The following DNAH12 variants were observed in gnomAD, a reference collection of about 807,000 sequenced individuals.
The protein encoded by DNAH12 is axonemal beta dynein heavy chain 12.
Under a neutral mutation model 371.5 loss-of-function variants are expected in DNAH12, and 285 were observed. That is an observed-to-expected ratio of 0.77 (90% CI 0.70 to 0.85). The LOEUF (loss-of-function observed/expected upper bound fraction) is 0.85. Among genes scored for constraint, DNAH12 ranks in the 40% least tolerant of loss-of-function variants. The pLI is 0.00. For synonymous variants in DNAH12, 1,200 were observed against 1,213.0 expected, an observed-to-expected ratio of 0.99 and a Z score of 0.22; for missense variants, 3,611 against 3,689.4, an observed-to-expected ratio of 0.98 and a Z score of 0.55.
intron 21 of DNAH12, 35 bp from the exon 22 acceptor site, chr3:57,458,038 T>C: frequency 6.5e-7 from 1 of 1,540,698 alleles, no homozygotes; most frequent in Non-Finnish European, 8.8e-7. Flanking sequence ...AAGTTTTAGT[T>C]ATAATTCATC....
chr3:57,367,302 G>A lies in DNAH12; in HGVS notation c.8975-381C>T, dbSNP rs1271885364. Among the ~76,000 whole-genome samples the A allele has an allele frequency of 1.3e-5, 2 of 150,046 alleles. 1 individual carries two copies. The highest frequency in any genetic ancestry group is 3.0e-5 in the Non-Finnish European group (2 of 67,488). On this transcript the variant is annotated intron_variant, in intron 56 of 73. Transcript: ENST00000495027. The stretch of plus-strand genomic sequence containing the variant: ...ACTGCACCACTACACTCCAGCCTGA[G>A]CATCAGAGCAAGACTCTGTCTCAAA...
intron 19 of DNAH12, among the ~76,000 whole-genome samples, 187 bp downstream of exon 19, chr3:57,461,302 T>C (rs1355528903): frequency 6.6e-6 from 1 of 152,162 alleles, no homozygotes; most frequent in African/African-American, 2.4e-5. Context: ...CAGATGTATA[T>C]ATTTCTATAT....
At chr3:57,396,525 G>T (rs1341210347) in intron 43 of DNAH12, among the ~76,000 whole-genome samples, 1 of 151,740 alleles carries the variant, frequency 6.6e-6, no homozygotes, top group Non-Finnish European at 1.5e-5. Flanking sequence ...AGCCTCCCAA[G>T]TATCTGAGAT....
At chr3:57,502,275 CAAAT>C (rs1275466567) in intron 10 of DNAH12, 44 bp downstream of exon 10, 1 of 1,603,476 alleles carries the variant, frequency 6.2e-7, no homozygotes, top group Admixed American at 1.7e-5. Flanking sequence ...AATTCTAGCA[CAAAT>C]AAAGTGATGA....
At chr3:57,358,563 T>C (rs1238563444) in intron 58 of DNAH12, among the ~76,000 whole-genome samples, 1 of 152,178 alleles carries the variant, frequency 6.6e-6, no homozygotes, top group African/African-American at 2.4e-5. Flanking sequence ...TTCCCCAAAA[T>C]TACACTGTAT....
intron 69 of DNAH12, among the ~76,000 whole-genome samples, chr3:57,308,819 T>G (rs2107674212): frequency 6.6e-6 from 1 of 152,346 alleles, no homozygotes; most frequent in East Asian, 1.9e-4. Flanking sequence ...CTTTAATACC[T>G]GTTTTTCTTC....
intron 71 of DNAH12, 86 bp from the exon 72 acceptor site, chr3:57,296,521 A>G: frequency 9.6e-7 from 1 of 1,037,122 alleles, no homozygotes; most frequent in Non-Finnish European, 1.4e-6. Context: ...TTCAGAACAC[A>G]TTCAGGGAAA....
intron 30 of DNAH12, among the ~76,000 whole-genome samples, chr3:57,435,997 A>C (rs990741205): frequency 1.8e-4 from 28 of 151,984 alleles, no homozygotes; most frequent in Admixed American, 7.9e-4. Flanking sequence ...TCCCAAGAAC[A>C]GTATTTTCTC....
At chr3:57,444,574 T>G in intron 29 of DNAH12, 123 bp downstream of exon 29, 1 of 1,386,132 alleles carries the variant, frequency 7.2e-7, no homozygotes, top group Non-Finnish European at 9.8e-7. Context: ...TTAACTAAAG[T>G]GGACAAAATA....
intron 69 of DNAH12, among the ~76,000 whole-genome samples, chr3:57,303,642 G>C (rs1057421150): frequency 1.3e-5 from 2 of 152,156 alleles, no homozygotes; most frequent in African/African-American, 4.8e-5. Context: ...GGGCTCAAGC[G>C]ATCCTCCTGC....
At chr3:57,438,660 G>A (rs1297312196) in intron 29 of DNAH12, among the ~76,000 whole-genome samples, 2 of 151,794 alleles carry the variant, frequency 1.3e-5, no homozygotes, top group East Asian at 3.9e-4. Context: ...GTTATATCAA[G>A]AATGCAATCC....
At chr3:57,390,424 A>AAAAAAAATATATATATATATAT in intron 45 of DNAH12, among the ~76,000 whole-genome samples, 2 of 33,438 alleles carry the variant, frequency 6.0e-5, no homozygotes, top group Admixed American at 1.1e-3. Context: ...AAAAAAAAAA[A>AAAAAAAATATATATATATATAT]ATATATATAT....
chr3:57,389,183 TTTATC>T (rs1446667647), intron 45 of DNAH12, among the ~76,000 whole-genome samples: 2 of 152,022 alleles, frequency 1.3e-5, no homozygotes, highest in Non-Finnish European at 2.9e-5. Context: ...TATTTACTTC[TTTATC>T]TTATTTACTC....
chr3:57,416,944 T>C (rs1195143268), intron 37 of DNAH12, among the ~76,000 whole-genome samples: 1 of 152,136 alleles, frequency 6.6e-6, no homozygotes, highest in Non-Finnish European at 1.5e-5. Flanking sequence ...AACTTGTTAC[T>C]ACACAATACA....
At chr3:57,530,520 T>C in intron 2 of DNAH12, 1 of 720,826 alleles carries the variant, frequency 1.4e-6, no homozygotes, top group South Asian at 1.5e-5. Flanking sequence ...CTTTTTCCTT[T>C]CATCATATTT....
At chr3:57,322,264 CATT>C in intron 65 of DNAH12, 76 bp downstream of exon 65, 1 of 1,347,014 alleles carries the variant, frequency 7.4e-7, no homozygotes, top group Non-Finnish European at 9.8e-7. Context: ...GTTACAAAAG[CATT>C]ATTAAACAAA....
rs1340290611 is a variant in DNAH12, at chr3:57,428,833, A to G, written c.5065-12T>C. On this transcript the variant is annotated splice_polypyrimidine_tract_variant and intron_variant, in intron 33 of 73. Coordinates refer to ENST00000495027, the MANE Select transcript of DNAH12 (RefSeq NM_001366028.2). ...CTTACAGTGGCAGGCTAGAGAAAAA[A>G]GGCAACTTTTTGCACTGTTGTTTTT... is the stretch of plus-strand genomic sequence containing the variant. The G allele has an allele frequency of 6.6e-7, 1 of 1,511,918 alleles. No homozygotes were observed. Among genetic ancestry groups the G allele is most frequent in the East Asian group, 2.5e-5 (1 of 40,600 alleles). 93.7% of individuals were successfully genotyped at this position (1,511,918 alleles called of 1,614,324 possible).
At chr3:57,424,345 C>T (rs2064689537) in intron 35 of DNAH12, among the ~76,000 whole-genome samples, 1 of 150,872 alleles carries the variant, frequency 6.6e-6, no homozygotes, top group African/African-American at 2.4e-5. Context: ...GCAGTGCGCA[C>T]CTGTAATCCC....
intron 23 of DNAH12, 149 bp from the exon 24 acceptor site, chr3:57,453,552 A>G (rs1412989423): frequency 4.8e-6 from 3 of 622,344 alleles, no homozygotes; most frequent in Non-Finnish European, 7.3e-6. Flanking sequence ...CATGCCTAAA[A>G]TCCCAGCATC....
Sources: allele counts gnomAD v4.1 joint callset (sites outside exome capture counted in the v4.1 genomes callset), GRCh38; gene constraint gnomAD v4.1.1; transcripts MANE v1.5; gene names NCBI Gene and HGNC (gene_info 2026-07-23, HGNC 2026-07-21).